The following ZNF66 variants were observed in gnomAD, a reference collection of about 807,000 sequenced individuals.
ZNF66 encodes the protein zinc finger protein 66.
A neutral mutation model predicts 35.2 loss-of-function variants in ZNF66; 32 were observed. The observed-to-expected ratio is 0.91, with a 90% confidence interval of 0.69 to 1.22. The LOEUF (loss-of-function observed/expected upper bound fraction) is 1.22, where lower values mean the gene tolerates loss of function less well. Ranked by LOEUF, ZNF66 falls within the 50% of genes most tolerant of loss-of-function variation. The pLI is 0.00. For missense variants in ZNF66, 666 were observed against 543.1 expected, an observed-to-expected ratio of 1.23 and a Z score of -2.25; for synonymous variants, 231 against 181.3, an observed-to-expected ratio of 1.27 and a Z score of -2.20.
At chr19:20,797,177 G>A (rs1204245279) in intron 3 of ZNF66, among the ~76,000 whole-genome samples, 3 of 117,584 alleles carry the variant, frequency 2.6e-5, no homozygotes, top group African/African-American at 9.4e-5. Context: ...ATGCATCAAT[G>A]TTGCATGCTA....
At chr19:20,784,751 G>C (rs1433500291) in intron 1 of ZNF66, 1 of 152,200 alleles carries the variant, frequency 6.6e-6, no homozygotes, top group Non-Finnish European at 1.5e-5. Flanking sequence ...TTCTCATGGT[G>C]AGAGTAGCTA....
intron 1 of ZNF66, among the ~76,000 whole-genome samples, chr19:20,777,181 A>T (rs1971203284): frequency 6.6e-6 from 1 of 151,540 alleles, no homozygotes; most frequent in Admixed American, 6.6e-5. Flanking sequence ...TTAATCAAAG[A>T]GTGATTCAAG....
At chr19:20,798,772 A>ACAG (rs1971418954) in intron 3 of ZNF66, among the ~76,000 whole-genome samples, 1 of 152,312 alleles carries the variant, frequency 6.6e-6, no homozygotes, top group South Asian at 2.1e-4. Context: ...AAGTGGAATC[A>ACAG]TACAGTATCC....
rs151210160 is a variant in ZNF66, at chr19:20,783,690, C to T, written c.3+7240C>T. On this transcript the variant is annotated intron_variant, in intron 1 of 3. Coordinates refer to ENST00000344519, the MANE Select transcript of ZNF66 (RefSeq NM_001355197.2). ...AAACCTGATTATCCAAGGTAATTATCCAATATTTGCAGGCTGAAGTACTAA... is the reference window on the plus strand; with the variant it reads ...AAACCTGATTATCCAAGGTAATTATTCAATATTTGCAGGCTGAAGTACTAA... Among the ~76,000 whole-genome samples, 484 of 152,246 alleles carry T rather than the reference C, an allele frequency of 3.2e-3. 9 individuals are homozygous for T. Among genetic ancestry groups the T allele is most frequent in the Admixed American group, 0.02 (309 of 15,290 alleles).
Position 20,792,517 on chromosome 19 carries a change from A to C in ZNF66, c.9A>C (p.Pro3=). The change falls in exon 2 of 4, where the codon CCA becomes CCC. Residue 3 remains proline (P), a synonymous_variant. Transcript: ENST00000344519. ...TGTGTGTGTATATTTTTCAGGGGCC[A>C]TTGCAATTTAGAGATGTGGCCATAG... MG[P]LQFRDVAIEF... 2 of 1,525,986 alleles carry C rather than the reference A, an allele frequency of 1.3e-6. No homozygotes were observed. Among genetic ancestry groups the C allele is most frequent in the African/African-American group, 2.8e-5 (2 of 72,504 alleles). 94.5% of individuals were successfully genotyped at this position (1,525,986 alleles called of 1,614,324 possible). A position where few individuals can be genotyped will look rare whatever the true frequency, so the allele number is the denominator to read the frequency against.
At chr19:20,803,705 GGTT>G (rs1380032844) in intron 3 of ZNF66, among the ~76,000 whole-genome samples, 12 of 151,878 alleles carry the variant, frequency 7.9e-5, no homozygotes, top group Admixed American at 5.9e-4. Context: ...TATGATTATG[GGTT>G]GTTTTCTTTC....
chr19:20,799,382 T>C (rs1971427434), intron 3 of ZNF66: 1 of 152,198 alleles, frequency 6.6e-6, no homozygotes, highest in South Asian at 2.1e-4. Context: ...ATTTTAGATA[T>C]AGATTTATAA....
At chr19:20,777,297 T>G (rs1222758129) in intron 1 of ZNF66, among the ~76,000 whole-genome samples, 1 of 151,874 alleles carries the variant, frequency 6.6e-6, no homozygotes, top group Non-Finnish European at 1.5e-5. Context: ...TTCAATAATT[T>G]GTTAGGTTTA....
In ZNF66 at chr19:20,809,443, A is replaced by T. The variant is rs923726983; in HGVS notation, c.*2121A>T. On this transcript the variant is annotated 3_prime_UTR_variant, in exon 4 of 4. Coordinates refer to ENST00000344519, the MANE Select transcript of ZNF66 (RefSeq NM_001355197.2). ...GGCAGCCAGAGAGAAAGGTCGGGTTACCCACAAAGGGAAGCCCATCAGACT... is the reference window on the plus strand; with the variant it reads ...GGCAGCCAGAGAGAAAGGTCGGGTTTCCCACAAAGGGAAGCCCATCAGACT... 6.6e-6 allele frequency among the ~76,000 whole-genome samples: 1 copy of T among 152,208 alleles called. No individual in the cohort carries two copies. The highest frequency in any genetic ancestry group is 2.4e-5 in the African/African-American group (1 of 41,454).
intron 1 of ZNF66, among the ~76,000 whole-genome samples, chr19:20,789,290 C>G (rs921393486): frequency 6.6e-6 from 1 of 152,106 alleles, no homozygotes; most frequent in African/African-American, 2.4e-5. Flanking sequence ...CAGATTCACC[C>G]TTTTTGGAGG....
At position 20,806,354 on chromosome 19, in the gene ZNF66, A is replaced by G. The variant is rs778727564; in HGVS notation, c.754A>G (p.Thr252Ala). 6.4e-6 allele frequency: 10 copies of G among 1,563,678 alleles called. No homozygotes were observed. Among genetic ancestry groups the G allele is most frequent in the Non-Finnish European group, 7.9e-6 (9 of 1,134,792 alleles). Residue 252 changes from threonine to alanine, a missense_variant, in exon 4 of 4, where the codon ACT (threonine) becomes GCT (alanine). Thr to Ala is a moderately conservative substitution (Grantham distance 58, BLOSUM62 0). Transcript: ENST00000344519. ...CCTTACTACACATAAGAAAATTCAT[A>G]CTGGAGAGAAACCCTACAAATGTGA... Reference protein sequence around the residue: ...SNLTTHKKIHTGEKPYKCEEC... With the variant: ...SNLTTHKKIHAGEKPYKCEEC...
intron 2 of ZNF66, 53 bp from the exon 3 acceptor site, chr19:20,793,730 T>C: frequency 1.5e-6 from 1 of 662,286 alleles, no homozygotes; most frequent in Non-Finnish European, 2.4e-6. Flanking sequence ...CATTACTAGC[T>C]TGTAATTGGA....
chr19:20,806,784 A>G lies in ZNF66; in HGVS notation c.1184A>G (p.Lys395Arg), dbSNP rs1182906522. 4 of 1,319,596 alleles carry G rather than the reference A, an allele frequency of 3.0e-6. No individual in the cohort carries two copies. Among genetic ancestry groups the G allele is most frequent in the Non-Finnish European group, 4.4e-6 (4 of 914,856 alleles). 81.7% of individuals were successfully genotyped at this position (1,319,596 alleles called of 1,614,324 possible). Reference protein sequence around the residue: ...TAHKIIHTGKKPYKCEECGKV... With the variant: ...TAHKIIHTGKRPYKCEECGKV... Reference sequence around the variant, plus strand: ...CATAAGATAATTCATACTGGAAAGAAACCTTACAAATGTGAAGAATGTGGC... The same window carrying G: ...CATAAGATAATTCATACTGGAAAGAGACCTTACAAATGTGAAGAATGTGGC... Residue 395 changes from lysine (K) to arginine (R), a missense_variant, in exon 4 of 4, where the codon AAA becomes AGA. Physicochemically the swap from Lys to Arg is conservative, Grantham distance 26. Transcript: ENST00000344519.
intron 3 of ZNF66, among the ~76,000 whole-genome samples, chr19:20,796,421 T>C (rs766749535): frequency 1.3e-5 from 2 of 152,150 alleles, no homozygotes; most frequent in South Asian, 2.1e-4. Context: ...TAGGGACCCA[T>C]ATTACTAAAA....
chr19:20,805,126 T>TGTGTGTGAGAGAGAGAGAGA (rs752355466), intron 3 of ZNF66, among the ~76,000 whole-genome samples: 2 of 145,984 alleles, frequency 1.4e-5, no homozygotes, highest in Non-Finnish European at 3.0e-5. Context: ...TGTGTGTGTG[T>TGTGTGTGAGAGAGAGAGAGA]GAGAGAGAGA....
chr19:20,779,763 CAAAA>C (rs66794542), intron 1 of ZNF66, among the ~76,000 whole-genome samples: 1 of 136,576 alleles, frequency 7.3e-6, no homozygotes, highest in Non-Finnish European at 1.6e-5. Flanking sequence ...CCCATCACTA[CAAAA>C]AAAAAAAAAA....
intron 3 of ZNF66, 175 bp downstream of exon 3, chr19:20,794,053 G>T: frequency 1.8e-6 from 1 of 568,024 alleles, no homozygotes; most frequent in Admixed American, 3.4e-5. Flanking sequence ...CTGTCACAAA[G>T]GGGCATATTG....
intron 3 of ZNF66, among the ~76,000 whole-genome samples, chr19:20,805,126 T>TGTGTGTGTGTGAGAGAGA (rs752355466): frequency 1.4e-5 from 2 of 145,984 alleles, no homozygotes; most frequent in African/African-American, 5.1e-5. Context: ...TGTGTGTGTG[T>TGTGTGTGTGTGAGAGAGA]GAGAGAGAGA....
chr19:20,793,985 A>G (rs1971367781), intron 3 of ZNF66, 107 bp downstream of exon 3: 1 of 593,418 alleles, frequency 1.7e-6, no homozygotes, highest in Non-Finnish European at 2.9e-6. Flanking sequence ...TTCCAAAGGA[A>G]CTTCTGGGCA....
Sources: gnomAD v4.1 joint callset for allele counts (sites outside exome capture counted in the v4.1 genomes callset) on GRCh38, gnomAD v4.1.1 for gene constraint, MANE v1.5 for transcripts, NCBI Gene and HGNC (gene_info 2026-07-23, HGNC 2026-07-21) for gene names.